UNC13C: variants seen among roughly 807,000 people sequenced by gnomAD.
UNC13C encodes the protein protein unc-13 homolog C.
Under a neutral mutation model 245.4 loss-of-function variants are expected in UNC13C, and 174 were observed. That is an observed-to-expected ratio of 0.71 (90% CI 0.63 to 0.80). The LOEUF (loss-of-function observed/expected upper bound fraction) is 0.80, where lower values mean the gene tolerates loss of function less well. Among genes scored for constraint, UNC13C ranks in the 30% least tolerant of loss-of-function variants. The pLI is 0.00. For missense variants in UNC13C, 2,829 were observed against 2,602.9 expected (o/e 1.09, Z -1.89); for synonymous variants, 992 against 895.1 (o/e 1.11, Z -1.93).
At chr15:54,412,329 G>T (rs1596340074) in intron 18 of UNC13C, among the ~76,000 whole-genome samples, 1 of 152,184 alleles carries the variant, frequency 6.6e-6, no homozygotes, top group Admixed American at 6.5e-5. Context: ...AGGCTGAGGG[G>T]AAGCAAGCAG....
intron 10 of UNC13C, among the ~76,000 whole-genome samples, chr15:54,268,911 C>G (rs937172573): frequency 1.3e-5 from 2 of 152,036 alleles, no homozygotes; most frequent in African/African-American, 4.8e-5. Context: ...TTGTTGAAAT[C>G]TTCCTTCTGT....
chr15:53,850,670 G>T, the UNC13C span, among the ~76,000 whole-genome samples: 359 of 152,088 alleles, frequency 2.4e-3, 2 homozygotes, highest in African/African-American at 8.4e-3. Flanking sequence ...TTTTCTTTAT[G>T]TTAATTCTAC....
At position 54,300,341 on chromosome 15, in the gene UNC13C, T is replaced by A; in HGVS notation, c.4236T>A (p.Arg1412=). The change falls in exon 13 of 33, where the codon CGT becomes CGA. Residue 1412 remains arginine (R), a synonymous_variant. Transcript: ENST00000260323. ...AAATAGTTGATGAATTTGCTATGCG[T>A]TATGGAATTGAATCCATTTATCAAG... is the stretch of plus-strand genomic sequence containing the variant. ...SQEIVDEFAM[R]YGIESIYQAM... is the part of the protein sequence containing the mutation. The A allele has an allele frequency of 6.3e-7, 1 of 1,581,224 alleles. No individual in the cohort carries two copies.
intron 18 of UNC13C, among the ~76,000 whole-genome samples, chr15:54,414,716 A>G (rs1241820438): frequency 6.6e-6 from 1 of 152,134 alleles, no homozygotes; most frequent in African/African-American, 2.4e-5. Flanking sequence ...ACTCATCACA[A>G]GACATCCACA....
intron 14 of UNC13C, 122 bp downstream of exon 14, chr15:54,322,217 T>A: frequency 1.1e-6 from 1 of 915,154 alleles, no homozygotes; most frequent in Non-Finnish European, 1.6e-6. Context: ...GGGAATAGCG[T>A]AATGGGTTCC....
intron 4 of UNC13C, among the ~76,000 whole-genome samples, chr15:54,191,385 C>A (rs1303509248): frequency 6.6e-6 from 1 of 152,070 alleles, no homozygotes; most frequent in African/African-American, 2.4e-5. Flanking sequence ...TGAACTCATC[C>A]TTTTTTATGG....
At chr15:53,941,705 C>T in the UNC13C span, among the ~76,000 whole-genome samples, 1 of 151,088 alleles carries the variant, frequency 6.6e-6, no homozygotes, top group Admixed American at 6.6e-5. Flanking sequence ...GGAACTTACA[C>T]AAAATTACAA....
chr15:54,410,450 A>G (rs554969873), intron 18 of UNC13C, among the ~76,000 whole-genome samples: 3 of 151,562 alleles, frequency 2.0e-5, no homozygotes, highest in Non-Finnish European at 2.9e-5. Context: ...GCCAAGGCCT[A>G]TGTCCAGAAT....
chr15:53,913,566 C>A, the UNC13C span: 1 of 152,294 alleles, frequency 6.6e-6, no homozygotes, highest in Non-Finnish European at 1.5e-5. Context: ...AGACAACTTT[C>A]CCAACAGTGG....
chr15:54,542,985 T>C (rs750532590), intron 26 of UNC13C, among the ~76,000 whole-genome samples: 6 of 152,278 alleles, frequency 3.9e-5, no homozygotes, highest in Non-Finnish European at 7.4e-5. Flanking sequence ...ATTGGGGTAT[T>C]TAGTCCATTT....
At chr15:54,346,731 G>A (rs553950623) in intron 17 of UNC13C, among the ~76,000 whole-genome samples, 8 of 152,258 alleles carry the variant, frequency 5.3e-5, no homozygotes, top group East Asian at 1.9e-4. Context: ...GCCAGGCTCC[G>A]CATCTGCACT....
At chr15:54,030,801 G>A (rs910844584) in intron 2 of UNC13C, among the ~76,000 whole-genome samples, 1 of 152,188 alleles carries the variant, frequency 6.6e-6, no homozygotes, top group African/African-American at 2.4e-5. Context: ...TCCTCAGGTG[G>A]CAGAAGGAGG....
At chr15:54,624,628 C>G (rs189467219) in intron 32 of UNC13C, among the ~76,000 whole-genome samples, 1 of 152,040 alleles carries the variant, frequency 6.6e-6, no homozygotes, top group Non-Finnish European at 1.5e-5. Context: ...AATAATTATA[C>G]GGTGGCAAGA....
intron 28 of UNC13C, 133 bp from the exon 29 acceptor site, chr15:54,555,299 T>G (rs1897041009): frequency 1.5e-6 from 1 of 657,924 alleles, no homozygotes; most frequent in Admixed American, 2.9e-5. Context: ...CATTTTATTT[T>G]AAATGCATTC....
At chr15:54,113,213 A>T (rs2029949397) in intron 2 of UNC13C, among the ~76,000 whole-genome samples, 1 of 152,124 alleles carries the variant, frequency 6.6e-6, no homozygotes, top group African/African-American at 2.4e-5. Flanking sequence ...AGCAAAAGAG[A>T]GATAGAGAAA....
intron 13 of UNC13C, among the ~76,000 whole-genome samples, chr15:54,302,623 G>C (rs1442512642): frequency 6.6e-6 from 1 of 152,126 alleles, no homozygotes; most frequent in South Asian, 2.1e-4. Flanking sequence ...TTATTACTGA[G>C]GCCTCTGTTC....
intron 2 of UNC13C, among the ~76,000 whole-genome samples, chr15:54,113,462 A>T (rs1364216058): frequency 6.6e-6 from 1 of 152,194 alleles, no homozygotes; most frequent in East Asian, 1.9e-4. Context: ...GTAGGAAAGA[A>T]TGGAGTATTA....
chr15:53,845,272 C>A, the UNC13C span, among the ~76,000 whole-genome samples: 1 of 149,062 alleles, frequency 6.7e-6, no homozygotes, highest in Non-Finnish European at 1.5e-5. Context: ...TTGCAGTGAG[C>A]TGACACCACA....
chr15:53,987,462 AG>A (rs1894193096), intron 1 of UNC13C, among the ~76,000 whole-genome samples: 1 of 152,086 alleles, frequency 6.6e-6, no homozygotes, highest in African/African-American at 2.4e-5. Context: ...CCTCCAGAAT[AG>A]CAATTCAAAG....
Sources: gnomAD v4.1 joint callset for allele counts (sites outside exome capture counted in the v4.1 genomes callset) on GRCh38, gnomAD v4.1.1 for gene constraint, MANE v1.5 for transcripts, NCBI Gene and HGNC (gene_info 2026-07-23, HGNC 2026-07-21) for gene names.